Variants in ATP9B observed in about 807,000 individuals in gnomAD.
ATP9B encodes the protein probable phospholipid-transporting ATPase IIB.
ATP9B carries 110 observed loss-of-function variants against 146.1 expected under a neutral mutation model. The ratio of observed to expected loss-of-function variants is 0.75; its 90% CI spans 0.65 to 0.88. The LOEUF (loss-of-function observed/expected upper bound fraction) is 0.88. Ranked by LOEUF, ATP9B falls within the 40% of genes least tolerant of loss-of-function variation. The pLI, the probability that ATP9B is intolerant of heterozygous loss-of-function variation, is 0.00. For synonymous variants in ATP9B, 604 were observed against 569.7 expected (o/e 1.06, Z -0.86); for missense variants, 1,499 against 1,496.4 (o/e 1.00, Z -0.03).
chr18:79,366,660 A>G lies in ATP9B; in HGVS notation c.3013-6165A>G. ...TGTGAGCATGACTTAGTAAACACAC[A>G]CAGTCCTAGGCCATACACCGAGTGG... is the stretch of plus-strand genomic sequence containing the variant. On this transcript the variant is annotated intron_variant, in intron 26 of 29. Coordinates refer to ENST00000426216, the MANE Select transcript of ATP9B (RefSeq NM_198531.5). 1.3e-5 allele frequency among the ~76,000 whole-genome samples: 2 copies of G among 152,248 alleles called. 1 individual carries two copies. Among genetic ancestry groups the G allele is most frequent in the Admixed American group, 1.3e-4 (2 of 15,288 alleles).
At chr18:79,252,284 A>G (rs1488683890) in intron 11 of ATP9B, among the ~76,000 whole-genome samples, 1 of 152,232 alleles carries the variant, frequency 6.6e-6, no homozygotes, top group Non-Finnish European at 1.5e-5. Context: ...TTTTACAGAT[A>G]AGAAAACCAA....
At position 79,342,280 on chromosome 18, in the gene ATP9B, A is replaced by G; in HGVS notation, c.2296A>G (p.Thr766Ala). 1 of 1,613,108 alleles carries G rather than the reference A, an allele frequency of 6.2e-7. No individual in the cohort carries two copies. Among genetic ancestry groups the G allele is most frequent in the Non-Finnish European group, 8.5e-7 (1 of 1,179,268 alleles). Residue 766 changes from threonine to alanine, a missense_variant, in exon 20 of 30, where the codon ACA becomes GCA. Physicochemically the swap from Thr to Ala is moderately conservative, Grantham distance 58. Coordinates refer to ENST00000426216, the MANE Select transcript of ATP9B (RefSeq NM_198531.5). Reference sequence around the variant, plus strand: ...AATTGTTCCCTAGATATGGATGCTAACAGGCGATAAACTCGAGACAGCTAC... The same window carrying G: ...AATTGTTCCCTAGATATGGATGCTAGCAGGCGATAAACTCGAGACAGCTAC... ...RNAGIKIWML[T>A]GDKLETATCI...
At chr18:79,116,936 AAATT>A (rs1439741909) in intron 4 of ATP9B, among the ~76,000 whole-genome samples, 2 of 111,614 alleles carry the variant, frequency 1.8e-5, no homozygotes. Flanking sequence ...AAAAAAAAAA[AAATT>A]AAAAAAAAAA....
chr18:79,255,176 T>G (rs1039106594), intron 12 of ATP9B: 1 of 152,202 alleles, frequency 6.6e-6, no homozygotes, highest in African/African-American at 2.4e-5. Flanking sequence ...CCGGCATGTA[T>G]TGAGTGCCAC....
intron 8 of ATP9B, among the ~76,000 whole-genome samples, chr18:79,187,694 C>G (rs2095321403): frequency 6.6e-6 from 1 of 152,210 alleles, no homozygotes; most frequent in African/African-American, 2.4e-5. Flanking sequence ...GAGGACTGTG[C>G]TGCCCTGAGA....
rs779565594 is a variant in ATP9B, at chr18:79,302,650, C to A, written c.1412-954C>A. ...TACATGGCCCAACTTTTCTGGCAGT[C>A]CTCCTAAGGGAGGACTGTGGTACTT... is the stretch of plus-strand genomic sequence containing the variant. On this transcript the variant is annotated intron_variant, in intron 13 of 29. Transcript: ENST00000426216. 6.6e-5 allele frequency among the ~76,000 whole-genome samples: 10 copies of A among 152,138 alleles called. No homozygotes were observed. In the East Asian group the frequency reaches 1.9e-3, roughly 29 times the overall value.
chr18:79,217,770 A>T (rs1287943198), intron 11 of ATP9B, among the ~76,000 whole-genome samples: 2 of 152,202 alleles, frequency 1.3e-5, no homozygotes, highest in Admixed American at 6.5e-5. Context: ...GTGACATCAC[A>T]GTGTTCTTCT....
intron 7 of ATP9B, among the ~76,000 whole-genome samples, chr18:79,167,714 G>A (rs7230829): frequency 6.6e-6 from 1 of 152,150 alleles, no homozygotes; most frequent in African/African-American, 2.4e-5. Context: ...AGCACTATCC[G>A]ATTGGCTGTA....
chr18:79,238,372 G>A (rs1478381816), intron 11 of ATP9B, among the ~76,000 whole-genome samples: 1 of 152,094 alleles, frequency 6.6e-6, no homozygotes, highest in African/African-American at 2.4e-5. Context: ...GGTGGTGATT[G>A]TGGGCATCAC....
rs1316104485 is a variant in ATP9B at position 79,069,572 on chromosome 18, C to T, written c.119+43C>T. The T allele has an allele frequency of 1.9e-5, 23 of 1,237,880 alleles. No individual in the cohort carries two copies. The South Asian group carries it at 4.7e-4, about 26-fold the overall frequency. 76.7% of individuals were successfully genotyped at this position (1,237,880 alleles called of 1,614,324 possible). On this transcript the variant is annotated intron_variant, in intron 1 of 29. Transcript: ENST00000426216. ...GGCCCCGTTCCCCGCCGACGCTCCC[C>T]GGGGCCCCCAGCCCACCGCAGGAAC...
chr18:79,162,281 C>T (rs187303280), intron 7 of ATP9B, among the ~76,000 whole-genome samples: 2 of 152,282 alleles, frequency 1.3e-5, no homozygotes, highest in Non-Finnish European at 2.9e-5. Context: ...TGTATTAACA[C>T]AGAATATTCT....
chr18:79,127,272 A>G lies in ATP9B; in HGVS notation c.667+897A>G, dbSNP rs148469800. On this transcript the variant is annotated intron_variant, in intron 5 of 29. Coordinates refer to ENST00000426216, the MANE Select transcript of ATP9B (RefSeq NM_198531.5). ...GGTGTATTCATAAAGTTGTGCAGCC[A>G]TCACCAACACTGTCATTTAAGTTTA... Among the ~76,000 whole-genome samples the G allele has an allele frequency of 2.7e-3, 405 of 152,320 alleles. 2 individuals carry two copies. The highest frequency in any genetic ancestry group is 9.2e-3 in the African/African-American group (383 of 41,562).
At chr18:79,302,861 G>GT (rs550237995) in intron 13 of ATP9B, among the ~76,000 whole-genome samples, 9 of 152,062 alleles carry the variant, frequency 5.9e-5, no homozygotes, top group African/African-American at 9.7e-5. Context: ...TTTGAAATAG[G>GT]TTTTTTTAAA....
rs368667398 is a variant in ATP9B at position 79,177,002 on chromosome 18, G to A, written c.873+95G>A. On this transcript the variant is annotated intron_variant, in intron 8 of 29. Transcript: ENST00000426216. ...GTTTATACCAGCTAATTTATTTAAT[G>A]CATTGAGAATTTGTTTTATAATTTC... 31 of 1,007,792 alleles carry A rather than the reference G, an allele frequency of 3.1e-5. No homozygotes were observed. In the East Asian group the frequency reaches 3.6e-4, roughly 12 times the overall value. 62.4% of individuals were successfully genotyped at this position (1,007,792 alleles called of 1,614,324 possible). A position where few individuals can be genotyped will look rare whatever the true frequency, so the allele number is the denominator to read the frequency against.
chr18:79,099,916 A>G (rs375578425), intron 2 of ATP9B, among the ~76,000 whole-genome samples: 23 of 152,180 alleles, frequency 1.5e-4, no homozygotes, highest in Admixed American at 5.9e-4. Context: ...CACGAGGTCA[A>G]GAGATTGAGA....
intron 4 of ATP9B, among the ~76,000 whole-genome samples, chr18:79,113,750 C>T (rs2094014193): frequency 6.6e-6 from 1 of 152,142 alleles, no homozygotes; most frequent in Non-Finnish European, 1.5e-5. Flanking sequence ...TCTGAAGTAT[C>T]CAAGTGCAGT....
chr18:79,101,889 A>G (rs1010707856), intron 2 of ATP9B, among the ~76,000 whole-genome samples: 3 of 152,228 alleles, frequency 2.0e-5, no homozygotes, highest in South Asian at 2.1e-4. Context: ...TATTCTAACT[A>G]TGGGTCCTCT....
At chr18:79,234,802 G>A (rs564062021) in intron 11 of ATP9B, among the ~76,000 whole-genome samples, 7 of 152,282 alleles carry the variant, frequency 4.6e-5, no homozygotes, top group East Asian at 1.9e-4. Context: ...TTATTGTCAC[G>A]TTCAGCTCTA....
intron 15 of ATP9B, among the ~76,000 whole-genome samples, chr18:79,322,825 A>G (rs1223373410): frequency 6.6e-6 from 1 of 152,246 alleles, no homozygotes; most frequent in Non-Finnish European, 1.5e-5. Flanking sequence ...GGTGCCTCCC[A>G]GAGCAGAATG....
Sources: allele counts gnomAD v4.1 joint callset (sites outside exome capture counted in the v4.1 genomes callset), GRCh38; gene constraint gnomAD v4.1.1; transcripts MANE v1.5; gene names NCBI Gene and HGNC (gene_info 2026-07-23, HGNC 2026-07-21).